MCTP2: variants seen among roughly 807,000 people sequenced by gnomAD.
MCTP2 encodes the protein multiple C2 and transmembrane domain-containing protein 2.
A neutral mutation model predicts 111.6 loss-of-function variants in MCTP2; 132 were observed. The observed-to-expected ratio is 1.18, with a 90% CI of 1.03 to 1.37. The LOEUF is 1.37. Among genes scored for constraint, MCTP2 ranks in the 40% most tolerant of loss-of-function variants. MCTP2 has a pLI of 0.00. For missense variants in MCTP2, 1,183 were observed against 1,067.9 expected, an observed-to-expected ratio of 1.11 and a Z score of -1.50; for synonymous variants, 395 against 387.7, an observed-to-expected ratio of 1.02 and a Z score of -0.22.
chr15:94,421,900 C>T (rs1049869170), intron 17 of MCTP2, among the ~76,000 whole-genome samples: 6 of 152,134 alleles, frequency 3.9e-5, no homozygotes, highest in Non-Finnish European at 8.8e-5. Flanking sequence ...ACAATGAGGT[C>T]GTGCATTCCT....
intron 17 of MCTP2, among the ~76,000 whole-genome samples, chr15:94,434,149 TG>T (rs2083336425): frequency 6.6e-6 from 1 of 152,086 alleles, no homozygotes; most frequent in Admixed American, 6.5e-5. Flanking sequence ...TCACCCAGGC[TG>T]GAGTACAGTG....
intron 8 of MCTP2, among the ~76,000 whole-genome samples, chr15:94,347,901 TAC>T (rs57419585): frequency 0.19 from 28,330 of 149,436 alleles, 2,918 homozygotes; most frequent in East Asian, 0.31. Context: ...CACACAGACA[TAC>T]ACACACACAC....
chr15:94,389,096 G>A (rs1336516330), intron 14 of MCTP2, among the ~76,000 whole-genome samples: 1 of 152,148 alleles, frequency 6.6e-6, no homozygotes, highest in East Asian at 1.9e-4. Context: ...AACGAGAAAG[G>A]GCAGTGGGAA....
chr15:94,306,003 A>C (rs761875660), intron 2 of MCTP2, among the ~76,000 whole-genome samples: 18 of 152,192 alleles, frequency 1.2e-4, no homozygotes, highest in Non-Finnish European at 2.2e-4. Flanking sequence ...CATACGGTCT[A>C]TTCTGGTTCT....
intron 19 of MCTP2, among the ~76,000 whole-genome samples, chr15:94,452,089 A>G (rs2084498366): frequency 6.6e-6 from 1 of 152,212 alleles, no homozygotes; most frequent in African/African-American, 2.4e-5. Flanking sequence ...TGTCAGGACC[A>G]GAGTTGAACC....
intron 10 of MCTP2, among the ~76,000 whole-genome samples, chr15:94,364,921 C>T (rs1033231989): frequency 5.3e-5 from 8 of 152,122 alleles, no homozygotes; most frequent in African/African-American, 1.9e-4. Flanking sequence ...GTATGAAATA[C>T]ATTTTTTCTG....
At chr15:94,236,377 CTTTTTTTTTTTTTTTTTTT>C (rs71132992) in intron 1 of MCTP2, among the ~76,000 whole-genome samples, 1 of 72,466 alleles carries the variant, frequency 1.4e-5, no homozygotes, top group Non-Finnish European at 2.5e-5. Flanking sequence ...TCTTTTTTTT[CTTTTTTTTTTTTTTTTTTT>C]TTTTTTTTTA....
intron 1 of MCTP2, chr15:94,278,012 CAT>C (rs1478274699): frequency 6.6e-6 from 1 of 152,098 alleles, no homozygotes; most frequent in Non-Finnish European, 1.5e-5. Flanking sequence ...CTGCTCTAAA[CAT>C]AGTTCATTAC....
intron 2 of MCTP2, among the ~76,000 whole-genome samples, chr15:94,312,803 A>G (rs2076207250): frequency 6.6e-6 from 1 of 152,178 alleles, no homozygotes; most frequent in Non-Finnish European, 1.5e-5. Flanking sequence ...GCAGTGGGCC[A>G]GAAAGCCCGT....
intron 12 of MCTP2, among the ~76,000 whole-genome samples, chr15:94,379,161 G>T (rs1251696021): frequency 1.3e-5 from 2 of 151,950 alleles, no homozygotes; most frequent in African/African-American, 2.4e-5. Flanking sequence ...GTAGGAAGCA[G>T]AAATGAGCCC....
chr15:94,272,092 TTC>T (rs2073934173), intron 1 of MCTP2, among the ~76,000 whole-genome samples: 1 of 152,230 alleles, frequency 6.6e-6, no homozygotes, highest in South Asian at 2.1e-4. Flanking sequence ...AATGGTTGTG[TTC>T]TAATGTAGGA....
chr15:94,300,493 G>A (rs2075556427), intron 2 of MCTP2, among the ~76,000 whole-genome samples: 1 of 138,014 alleles, frequency 7.2e-6, no homozygotes, highest in Non-Finnish European at 1.5e-5. Context: ...CTGGGTGACA[G>A]AGTGAGACTC....
chr15:94,466,574 T>G (rs2073331665), intron 20 of MCTP2, among the ~76,000 whole-genome samples: 1 of 152,156 alleles, frequency 6.6e-6, no homozygotes, highest in African/African-American at 2.4e-5. Context: ...CCTGAATATG[T>G]AAGCTTTATG....
At chr15:94,244,074 ATTT>A (rs1164174553) in intron 1 of MCTP2, among the ~76,000 whole-genome samples, 1 of 144,062 alleles carries the variant, frequency 6.9e-6, no homozygotes, top group Non-Finnish European at 1.5e-5. Context: ...ATGTGTATAT[ATTT>A]ATGCACACAT....
At chr15:94,360,994 T>C (rs1447902443) in intron 10 of MCTP2, among the ~76,000 whole-genome samples, 1 of 151,556 alleles carries the variant, frequency 6.6e-6, no homozygotes, top group Non-Finnish European at 1.5e-5. Flanking sequence ...TATCGACTGC[T>C]TCTCAGACTG....
chr15:94,404,405 G>C (rs766692961), intron 17 of MCTP2, among the ~76,000 whole-genome samples: 1 of 150,724 alleles, frequency 6.6e-6, no homozygotes, highest in African/African-American at 2.4e-5. Flanking sequence ...GGGTTCAAGC[G>C]ATTCTTCTCC....
intron 12 of MCTP2, among the ~76,000 whole-genome samples, chr15:94,373,463 A>C (rs1245881892): frequency 6.6e-6 from 1 of 152,206 alleles, no homozygotes; most frequent in Non-Finnish European, 1.5e-5. Flanking sequence ...ACAAATGGTA[A>C]AGTCTTTAAT....
At chr15:94,337,914 A>T (rs1028021315) in intron 4 of MCTP2, among the ~76,000 whole-genome samples, 1 of 152,140 alleles carries the variant, frequency 6.6e-6, no homozygotes, top group Admixed American at 6.5e-5. Context: ...CTGCTATTTT[A>T]GTTCGTAGTG....
intron 1 of MCTP2, chr15:94,232,065 A>G (rs575650668): frequency 2.6e-5 from 4 of 152,212 alleles, no homozygotes; most frequent in African/African-American, 7.2e-5. Flanking sequence ...CGGAGGTTCA[A>G]CTTTAATTCT....
Sources: gnomAD v4.1 joint callset for allele counts (sites outside exome capture counted in the v4.1 genomes callset) on GRCh38, gnomAD v4.1.1 for gene constraint, MANE v1.5 for transcripts, NCBI Gene and HGNC (gene_info 2026-07-23, HGNC 2026-07-21) for gene names.